Variants in ZNF345 observed in about 807,000 individuals in gnomAD.
ZNF345 encodes zinc finger protein 345, also known as zinc finger protein HZF10.
For missense variants in ZNF345, 527 were observed against 589.9 expected (o/e 0.89, Z 1.10); for synonymous variants, 166 against 187.9 (o/e 0.88, Z 0.95).
chr19:36,855,287 C>G (rs1346810888), intron 2 of ZNF345, among the ~76,000 whole-genome samples: 1 of 151,818 alleles, frequency 6.6e-6, no homozygotes, highest in Non-Finnish European at 1.5e-5. Flanking sequence ...GGACTACAGG[C>G]CCCCGCCACC....
At chr19:36,854,235 G>GT (rs34215056) in intron 2 of ZNF345, among the ~76,000 whole-genome samples, 46,464 of 138,522 alleles carry the variant, frequency 0.34, 7,958 homozygotes, top group East Asian at 0.59. Context: ...CCTGGGTTTT[G>GT]TTTTTTTTTT....
At chr19:36,891,356 T>G (rs2073049402) in intron 3 of ZNF345, 1 of 867,604 alleles carries the variant, frequency 1.2e-6, no homozygotes, top group Non-Finnish European at 1.7e-6. Flanking sequence ...TTTTGGTACT[T>G]GGTACTTTGT....
chr19:36,858,636 G>A lies in ZNF345; in HGVS notation c.-47+6732G>A, dbSNP rs2072476604. ...AGAAAAATTAGCTGGGTGTGGTGGT[G>A]GGCACCTGTAGTCCCAGCTACTCGG... On this transcript the variant is annotated intron_variant, in intron 2 of 2. Transcript: ENST00000420450. 2.0e-5 allele frequency among the ~76,000 whole-genome samples: 3 copies of A among 152,034 alleles called. No homozygotes were observed. In the South Asian group the frequency reaches 6.2e-4, roughly 32 times the overall value.
rs750307724 is a variant in ZNF345, at chr19:36,878,199, A to G, written c.1369A>G (p.Lys457Glu). 109 of 1,614,016 alleles carry G rather than the reference A, an allele frequency of 6.8e-5. 1 individual carries two copies. The highest frequency in any genetic ancestry group is 3.3e-4 in the Middle Eastern group (2 of 6,084). ...TACAGGTGAGAAACTTTATGAATGT[A>G]AGAACTGTGGGAAGGCTTATGGGAG... is the stretch of plus-strand genomic sequence containing the variant. ...IHTGEKLYEC[K>E]NCGKAYGRDS... The change falls in exon 3 of 3, where the codon AAG becomes GAG. Residue 457 changes from lysine to glutamate, a missense_variant. Coordinates refer to ENST00000420450, the MANE Select transcript of ZNF345 (RefSeq NM_001242472.2).
rs2073061205 is a variant in ZNF345 at position 36,892,166 on chromosome 19, T to A, written c.47-652T>A. ...CATTCCTTACATTCATAGGGTTTTT[T>A]ACCAGTGTGAATCCTCTGATGTCGA... is the stretch of plus-strand genomic sequence containing the variant. On this transcript the variant is annotated intron_variant, in intron 3 of 3. Transcript: ENST00000526123. 4.3e-6 allele frequency: 7 copies of A among 1,613,982 alleles called. No individual in the cohort carries two copies. The East Asian group carries it at 1.6e-4, about 36-fold the overall frequency.
At chr19:36,859,465 T>G (rs886565286) in intron 2 of ZNF345, among the ~76,000 whole-genome samples, 18 of 151,910 alleles carry the variant, frequency 1.2e-4, no homozygotes, top group African/African-American at 4.1e-4. Context: ...CTTTTATGTT[T>G]TATTTTTATC....
At position 36,878,641 on chromosome 19, in the gene ZNF345, A is replaced by G. The variant is rs7256044; in HGVS notation, c.*344A>G. On this transcript the variant is annotated 3_prime_UTR_variant, in exon 3 of 3. Coordinates refer to ENST00000420450, the MANE Select transcript of ZNF345 (RefSeq NM_001242472.2). Reference sequence around the variant, plus strand: ...CAATGGTCTTTTTTTTTTGTATTATACAGAATTACTGATTCATTGAAAAAT... The same window carrying G: ...CAATGGTCTTTTTTTTTTGTATTATGCAGAATTACTGATTCATTGAAAAAT... 0.16 allele frequency: 29,584 copies of G among 186,542 alleles called. 2,781 individuals are homozygous for G. The highest frequency in any genetic ancestry group is 0.26 in the African/African-American group (10,943 of 42,104). The allele number at this position is 186,542 out of a possible 1,614,324, so 11.6% of individuals were successfully genotyped here.
intron 3 of ZNF345, chr19:36,892,358 G>T (rs762136640): frequency 1.2e-6 from 2 of 1,613,626 alleles, no homozygotes; most frequent in East Asian, 2.2e-5. Flanking sequence ...TTTTGAGGTG[G>T]AATAAGAAAT....
In ZNF345 at chr19:36,850,948, GC is replaced by G. The variant is rs1221597965; in HGVS notation, c.-141del. The G allele has an allele frequency of 1.3e-5, 2 of 152,672 alleles. No individual in the cohort carries two copies. The highest frequency in any genetic ancestry group is 3.3e-3 in the Middle Eastern group (1 of 300). 9.5% of individuals were successfully genotyped at this position (152,672 alleles called of 1,614,324 possible). A position where few individuals can be genotyped will look rare whatever the true frequency, so the allele number is the denominator to read the frequency against. On this transcript the variant is annotated 5_prime_UTR_variant, in exon 1 of 3. Coordinates refer to ENST00000420450, the MANE Select transcript of ZNF345 (RefSeq NM_001242472.2). Reference sequence around the variant, plus strand: ...CTTGTGTGGATTCTAGTAGAACGGAGCTGACCCTATCCGAACAGGCGTAAGT... The same window carrying G: ...CTTGTGTGGATTCTAGTAGAACGGAGTGACCCTATCCGAACAGGCGTAAGT...
intron 2 of ZNF345, chr19:36,863,159 A>G (rs1034152535): frequency 1.3e-5 from 2 of 152,094 alleles, no homozygotes; most frequent in Admixed American, 6.6e-5. Context: ...ACGGTGAGTT[A>G]TTTCCTCCTG....
intron 2 of ZNF345, among the ~76,000 whole-genome samples, chr19:36,870,676 G>T (rs1260464581): frequency 6.6e-6 from 1 of 152,074 alleles, no homozygotes; most frequent in African/African-American, 2.4e-5. Context: ...TTATAGTATT[G>T]TTTAGAACTC....
intron 2 of ZNF345, among the ~76,000 whole-genome samples, chr19:36,874,111 C>T (rs1315503911): frequency 6.6e-6 from 1 of 152,146 alleles, no homozygotes; most frequent in East Asian, 1.9e-4. Flanking sequence ...CTTTTTTATA[C>T]ACAAAAAGTG....
intron 2 of ZNF345, among the ~76,000 whole-genome samples, chr19:36,852,574 T>G (rs1008945102): frequency 6.8e-6 from 1 of 147,102 alleles, no homozygotes; most frequent in Non-Finnish European, 1.5e-5. Flanking sequence ...GCCACTGCCC[T>G]CCAGCCTGGT....
chr19:36,879,989 T>C (rs2072958913), downstream of ZNF345, among the ~76,000 whole-genome samples: 1 of 152,238 alleles, frequency 6.6e-6, no homozygotes, highest in Non-Finnish European at 1.5e-5. Flanking sequence ...AGACATTCAT[T>C]TAAATGAATG....
intron 3 of ZNF345, among the ~76,000 whole-genome samples, chr19:36,887,087 C>T (rs2073005284): frequency 6.6e-6 from 1 of 151,838 alleles, no homozygotes; most frequent in South Asian, 2.1e-4. Flanking sequence ...CACTTGAACC[C>T]GGGATTCACT....
chr19:36,887,734 G>A (rs1473972690), intron 3 of ZNF345, among the ~76,000 whole-genome samples: 2 of 152,078 alleles, frequency 1.3e-5, no homozygotes, highest in Non-Finnish European at 2.9e-5. Context: ...GTCAAGATTC[G>A]AGACTCAGAA....
At chr19:36,886,797 C>T (rs2073001125) in intron 3 of ZNF345, among the ~76,000 whole-genome samples, 1 of 151,468 alleles carries the variant, frequency 6.6e-6, no homozygotes. Flanking sequence ...ACCATCCTGG[C>T]TAACACGGTG....
chr19:36,882,362 G>A (rs1017311364), downstream of ZNF345, among the ~76,000 whole-genome samples: 4 of 152,028 alleles, frequency 2.6e-5, no homozygotes, highest in African/African-American at 9.7e-5. Context: ...CCGCCTCCCA[G>A]GTTCAAGTGA....
At chr19:36,891,867 G>A in intron 3 of ZNF345, 1 of 1,614,016 alleles carries the variant, frequency 6.2e-7, no homozygotes, top group Non-Finnish European at 8.5e-7. Flanking sequence ...TAAGCCTTGA[G>A]TGTTGAGTAA....
Sources: allele counts gnomAD v4.1 joint callset (sites outside exome capture counted in the v4.1 genomes callset), GRCh38; gene constraint gnomAD v4.1.1; transcripts MANE v1.5; gene names NCBI Gene and HGNC (gene_info 2026-07-23, HGNC 2026-07-21).